ACSS3: variants seen among roughly 807,000 people sequenced by gnomAD.
The protein encoded by ACSS3 is acyl-CoA synthetase short chain family member 3.
ACSS3 carries 64 observed loss-of-function variants against 84.2 expected under a neutral mutation model. The ratio of observed to expected loss-of-function variants is 0.76; its 90% CI spans 0.62 to 0.94. ACSS3 has a LOEUF of 0.94. Ranked by LOEUF, ACSS3 falls within the 40% of genes least tolerant of loss-of-function variation. The probability of loss-of-function intolerance (pLI) is 0.00; values close to 1 mark genes in which losing one functional copy is unlikely to be tolerated. For missense variants in ACSS3, 815 were observed against 867.6 expected (o/e 0.94, Z 0.76); for synonymous variants, 317 against 310.1 (o/e 1.02, Z -0.23).
At chr12:81,109,821 T>G in intron 2 of ACSS3, 117 bp downstream of exon 2, 1 of 875,490 alleles carries the variant, frequency 1.1e-6, no homozygotes, top group Non-Finnish European at 1.6e-6. Flanking sequence ...GTTGCCATGC[T>G]TTTCTTTTGA....
chr12:81,169,105 A>T (rs1006094054), intron 7 of ACSS3, among the ~76,000 whole-genome samples: 1 of 152,178 alleles, frequency 6.6e-6, no homozygotes, highest in African/African-American at 2.4e-5. Flanking sequence ...TCTACTGTAT[A>T]TTTAGGGTTA....
At chr12:81,140,350 T>C (rs558063889) in intron 4 of ACSS3, among the ~76,000 whole-genome samples, 67 of 152,148 alleles carry the variant, frequency 4.4e-4, no homozygotes, top group African/African-American at 1.5e-3. Flanking sequence ...AGCAAATCTC[T>C]AGCTATTTAT....
At chr12:81,129,558 A>G (rs1885347210) in intron 2 of ACSS3, among the ~76,000 whole-genome samples, 1 of 152,026 alleles carries the variant, frequency 6.6e-6, no homozygotes, top group African/African-American at 2.4e-5. Context: ...TATGGCCCCA[A>G]CTTAAATACA....
intron 13 of ACSS3, among the ~76,000 whole-genome samples, chr12:81,243,831 C>T (rs1412352889): frequency 6.6e-6 from 1 of 152,136 alleles, no homozygotes. Flanking sequence ...CATATACACA[C>T]ATTGTTGCTA....
At chr12:81,134,669 C>A in intron 2 of ACSS3, 147 bp from the exon 3 acceptor site, 2 of 548,448 alleles carry the variant, frequency 3.6e-6, no homozygotes, top group Non-Finnish European at 5.8e-6. Context: ...CCATCTAAAG[C>A]ATTATCATCA....
intron 7 of ACSS3, among the ~76,000 whole-genome samples, chr12:81,158,648 A>G (rs901660613): frequency 6.6e-6 from 1 of 152,120 alleles, no homozygotes; most frequent in East Asian, 2.0e-4. Flanking sequence ...AATGTACCAC[A>G]TGCTCCTGTT....
intron 8 of ACSS3, among the ~76,000 whole-genome samples, chr12:81,187,890 G>A (rs761629240): frequency 1.3e-5 from 2 of 151,834 alleles, no homozygotes; most frequent in African/African-American, 4.8e-5. Context: ...GGTTACGCAG[G>A]TAAGCCTGAG....
intron 8 of ACSS3, among the ~76,000 whole-genome samples, chr12:81,193,227 G>A (rs1437954938): frequency 1.3e-5 from 2 of 152,084 alleles, no homozygotes; most frequent in African/African-American, 4.8e-5. Flanking sequence ...AGAAGTCGAC[G>A]AGGCATCACT....
intron 8 of ACSS3, among the ~76,000 whole-genome samples, chr12:81,182,907 C>T (rs771102319): frequency 3.9e-5 from 6 of 152,078 alleles, no homozygotes; most frequent in Non-Finnish European, 8.8e-5. Flanking sequence ...ACATCATGCT[C>T]ACTTATCTGG....
intron 8 of ACSS3, among the ~76,000 whole-genome samples, chr12:81,190,633 T>C (rs2031521293): frequency 6.6e-6 from 1 of 152,066 alleles, no homozygotes; most frequent in African/African-American, 2.4e-5. Context: ...TCCAGTAAAG[T>C]ATTTAATAGA....
At chr12:81,189,160 T>G (rs957447158) in intron 8 of ACSS3, among the ~76,000 whole-genome samples, 1 of 152,142 alleles carries the variant, frequency 6.6e-6, no homozygotes, top group Non-Finnish European at 1.5e-5. Flanking sequence ...TGTTTCTAAT[T>G]TTTTGACTCT....
chr12:81,078,217 G>C lies in ACSS3; in HGVS notation c.97G>C (p.Ala33Pro). The change falls in exon 1 of 16, where the codon GCC (alanine) becomes CCC (proline). Residue 33 changes from alanine to proline, a missense_variant. By Grantham distance (27) the Ala-to-Pro change is conservative (BLOSUM62 -1). Coordinates refer to ENST00000548058, the MANE Select transcript of ACSS3 (RefSeq NM_024560.4). ...CTCTCCGGCCCGGGGAGCCGGTGCGGCCCTCAGGGCTTTAGTGGTCCCGGG... is the reference window on the plus strand; with the variant it reads ...CTCTCCGGCCCGGGGAGCCGGTGCGCCCCTCAGGGCTTTAGTGGTCCCGGG... Reference protein sequence around the residue: ...GSSPARGAGAALRALVVPGPR... With the variant: ...GSSPARGAGAPLRALVVPGPR... 4 of 1,586,138 alleles carry C rather than the reference G, an allele frequency of 2.5e-6. No individual in the cohort carries two copies. The highest frequency in any genetic ancestry group is 3.4e-6 in the Non-Finnish European group (4 of 1,169,234).
intron 2 of ACSS3, among the ~76,000 whole-genome samples, chr12:81,123,082 G>A (rs1884775346): frequency 6.6e-6 from 1 of 151,862 alleles, no homozygotes; most frequent in Non-Finnish European, 1.5e-5. Flanking sequence ...CAATATTCTT[G>A]CAGTACTCAT....
chr12:81,217,763 A>C (rs1404572085), intron 10 of ACSS3, among the ~76,000 whole-genome samples: 1 of 151,982 alleles, frequency 6.6e-6, no homozygotes, highest in Non-Finnish European at 1.5e-5. Flanking sequence ...GAATTGCTTG[A>C]ACCCAGGAAG....
At chr12:81,231,550 A>G (rs1456878077) in intron 12 of ACSS3, among the ~76,000 whole-genome samples, 1 of 151,872 alleles carries the variant, frequency 6.6e-6, no homozygotes, top group Non-Finnish European at 1.5e-5. Flanking sequence ...TTATATGAGC[A>G]AAATCCATTC....
intron 8 of ACSS3, among the ~76,000 whole-genome samples, chr12:81,178,752 A>G (rs1355341586): frequency 6.6e-6 from 1 of 152,222 alleles, no homozygotes; most frequent in Non-Finnish European, 1.5e-5. Context: ...TGATATTCTT[A>G]TCAAGTTACC....
intron 8 of ACSS3, among the ~76,000 whole-genome samples, chr12:81,193,299 G>T (rs1346669037): frequency 6.6e-6 from 1 of 151,878 alleles, no homozygotes; most frequent in East Asian, 1.9e-4. Context: ...TTGCTTGTTT[G>T]GTAGTTTATG....
chr12:81,148,681 C>A (rs920082467), intron 5 of ACSS3, among the ~76,000 whole-genome samples: 1 of 151,810 alleles, frequency 6.6e-6, no homozygotes. Flanking sequence ...ACCAAAAGAT[C>A]GGAACAGCAT....
At chr12:81,119,440 G>T (rs1250028554) in intron 2 of ACSS3, among the ~76,000 whole-genome samples, 2 of 151,990 alleles carry the variant, frequency 1.3e-5, no homozygotes, top group African/African-American at 2.4e-5. Flanking sequence ...AATTTACCAG[G>T]GTGGGGTTTC....
Sources: allele counts gnomAD v4.1 joint callset (sites outside exome capture counted in the v4.1 genomes callset), GRCh38; gene constraint gnomAD v4.1.1; transcripts MANE v1.5; gene names NCBI Gene and HGNC (gene_info 2026-07-23, HGNC 2026-07-21).